BRINP3: variants seen among roughly 807,000 people sequenced by gnomAD.
BRINP3 encodes the protein BMP/retinoic acid inducible neural specific 3.
Under a neutral mutation model 71.0 loss-of-function variants are expected in BRINP3, and 19 were observed. The ratio of observed to expected loss-of-function variants is 0.27; its 90% CI spans 0.19 to 0.39. The LOEUF (loss-of-function observed/expected upper bound fraction) is 0.39, where lower values mean the gene tolerates loss of function less well. Among genes scored for constraint, BRINP3 ranks in the 10% least tolerant of loss-of-function variants. The pLI is 1.00. For synonymous variants in BRINP3, 380 were observed against 337.7 expected (o/e 1.13, Z -1.37); for missense variants, 959 against 940.8 (o/e 1.02, Z -0.25).
At chr1:190,462,349 T>C (rs1243253513) in intron 1 of BRINP3, among the ~76,000 whole-genome samples, 5 of 152,182 alleles carry the variant, frequency 3.3e-5, no homozygotes, top group Admixed American at 6.5e-5. Flanking sequence ...TTTTCACTTA[T>C]GTTCTATAAT....
At chr1:190,435,832 G>C (rs1054524584) in intron 2 of BRINP3, among the ~76,000 whole-genome samples, 5 of 151,936 alleles carry the variant, frequency 3.3e-5, no homozygotes, top group African/African-American at 1.2e-4. Context: ...TTAGAGAAAC[G>C]AGAAACATGG....
intron 2 of BRINP3, among the ~76,000 whole-genome samples, chr1:190,367,172 A>G (rs992226927): frequency 1.3e-5 from 2 of 152,328 alleles, no homozygotes; most frequent in African/African-American, 4.8e-5. Context: ...CATGTAGAAC[A>G]CTTCTGCCTA....
intron 2 of BRINP3, among the ~76,000 whole-genome samples, chr1:190,310,080 G>A (rs1453412439): frequency 1.3e-5 from 2 of 149,348 alleles, no homozygotes; most frequent in Non-Finnish European, 3.0e-5. Context: ...AGTATATATG[G>A]ACTCACCTCT....
chr1:190,260,068 C>A (rs1571548222), intron 4 of BRINP3, among the ~76,000 whole-genome samples: 3 of 111,444 alleles, frequency 2.7e-5, no homozygotes, highest in Admixed American at 2.0e-4. Flanking sequence ...ACTTAAGAAC[C>A]ACAAAAAAAA....
At chr1:190,111,834 A>C (rs542028091) in intron 7 of BRINP3, among the ~76,000 whole-genome samples, 11 of 152,254 alleles carry the variant, frequency 7.2e-5, no homozygotes, top group Middle Eastern at 3.4e-3. Context: ...CCTATATTAG[A>C]AAGAAAAATT....
chr1:190,359,626 A>T (rs1455549129), intron 2 of BRINP3, among the ~76,000 whole-genome samples: 4 of 152,016 alleles, frequency 2.6e-5, no homozygotes, highest in Non-Finnish European at 5.9e-5. Context: ...TTAATCAATC[A>T]ATCAATCTCT....
At chr1:190,172,190 A>G (rs189138318) in intron 6 of BRINP3, among the ~76,000 whole-genome samples, 1 of 149,722 alleles carries the variant, frequency 6.7e-6, no homozygotes, top group Admixed American at 6.8e-5. Flanking sequence ...CAATGTGATT[A>G]AATTTTTAAT....
At chr1:190,169,043 C>G (rs1299298700) in intron 6 of BRINP3, among the ~76,000 whole-genome samples, 1 of 152,174 alleles carries the variant, frequency 6.6e-6, no homozygotes, top group Non-Finnish European at 1.5e-5. Context: ...GATCATCTCA[C>G]TGTGCCACAG....
At chr1:190,321,262 G>A (rs1666220279) in intron 2 of BRINP3, among the ~76,000 whole-genome samples, 2 of 151,930 alleles carry the variant, frequency 1.3e-5, no homozygotes, top group African/African-American at 4.8e-5. Flanking sequence ...GAAATGGAAA[G>A]AATTCATTAC....
chr1:190,453,203 A>ATTTT (rs1190785225), intron 2 of BRINP3, among the ~76,000 whole-genome samples: 808 of 40,772 alleles, frequency 0.02, 253 homozygotes, highest in Non-Finnish European at 0.022. Flanking sequence ...AAACTTTAGT[A>ATTTT]TTTTTTTTTT....
intron 7 of BRINP3, among the ~76,000 whole-genome samples, chr1:190,119,213 A>G (rs1311316141): frequency 6.6e-6 from 1 of 152,016 alleles, no homozygotes; most frequent in Non-Finnish European, 1.5e-5. Context: ...CCAAATCTTT[A>G]AAACATTACA....
intron 6 of BRINP3, among the ~76,000 whole-genome samples, chr1:190,176,237 C>T (rs975409558): frequency 6.6e-6 from 1 of 152,164 alleles, no homozygotes; most frequent in African/African-American, 2.4e-5. Context: ...GATGACCCAA[C>T]TGTACCATAA....
intron 2 of BRINP3, among the ~76,000 whole-genome samples, chr1:190,426,473 G>A (rs539424454): frequency 1.3e-4 from 20 of 151,914 alleles, no homozygotes; most frequent in Non-Finnish European, 2.5e-4. Flanking sequence ...CTAATTGAGC[G>A]TCCCTAATCC....
At chr1:190,416,749 G>A (rs545052137) in intron 2 of BRINP3, among the ~76,000 whole-genome samples, 93 of 152,074 alleles carry the variant, frequency 6.1e-4, no homozygotes, top group Middle Eastern at 6.8e-3. Context: ...TCTACTACTT[G>A]CAAATAAGTA....
At chr1:190,352,900 A>G (rs1668489617) in intron 2 of BRINP3, among the ~76,000 whole-genome samples, 1 of 151,870 alleles carries the variant, frequency 6.6e-6, no homozygotes, top group African/African-American at 2.4e-5. Context: ...ATGCATGCAC[A>G]CATGGAATTC....
At chr1:190,386,109 T>G in intron 2 of BRINP3, among the ~76,000 whole-genome samples, 1 of 141,522 alleles carries the variant, frequency 7.1e-6, no homozygotes, top group African/African-American at 2.6e-5. Flanking sequence ...AGGGATAGCA[T>G]TGGGAGATAT....
At chr1:190,303,427 A>G (rs1664872073) in intron 2 of BRINP3, among the ~76,000 whole-genome samples, 3 of 151,802 alleles carry the variant, frequency 2.0e-5, no homozygotes, top group Admixed American at 1.3e-4. Flanking sequence ...AATATTCAAT[A>G]AAGATTGAAA....
intron 1 of BRINP3, among the ~76,000 whole-genome samples, chr1:190,471,424 T>C (rs1677131274): frequency 6.6e-6 from 1 of 151,338 alleles, no homozygotes; most frequent in Non-Finnish European, 1.5e-5. Context: ...TTTGTTATTT[T>C]GCTTTCCTTT....
intron 2 of BRINP3, among the ~76,000 whole-genome samples, chr1:190,417,830 T>C (rs1673108853): frequency 6.6e-6 from 1 of 152,186 alleles, no homozygotes; most frequent in African/African-American, 2.4e-5. Flanking sequence ...AAAGAAATAT[T>C]GGAAGCTGTG....
Sources: gnomAD v4.1 joint callset for allele counts (sites outside exome capture counted in the v4.1 genomes callset) on GRCh38, gnomAD v4.1.1 for gene constraint, MANE v1.5 for transcripts, NCBI Gene and HGNC (gene_info 2026-07-23, HGNC 2026-07-21) for gene names.